Variants in PRKG1 observed in about 807,000 individuals in gnomAD.
PRKG1 encodes cGMP-dependent protein kinase 1.
PRKG1 carries 35 observed loss-of-function variants against 88.1 expected under a neutral mutation model. The ratio of observed to expected loss-of-function variants is 0.40; its 90% CI spans 0.30 to 0.53. PRKG1 has a LOEUF of 0.53. Among genes scored for constraint, PRKG1 ranks in the 20% least tolerant of loss-of-function variants. PRKG1 has a pLI of 0.59. For synonymous variants in PRKG1, 303 were observed against 292.5 expected, an observed-to-expected ratio of 1.04 and a Z score of -0.37; for missense variants, 540 against 839.8, an observed-to-expected ratio of 0.64 and a Z score of 4.41.
At chr10:52,119,780 T>A (rs1454684041) in intron 7 of PRKG1, among the ~76,000 whole-genome samples, 1 of 152,186 alleles carries the variant, frequency 6.6e-6, no homozygotes, top group Non-Finnish European at 1.5e-5. Context: ...CAGGAATTTA[T>A]TTTTTACAGT....
chr10:51,075,184 C>A (rs1843917904), intron 1 of PRKG1, among the ~76,000 whole-genome samples: 1 of 152,162 alleles, frequency 6.6e-6, no homozygotes, highest in Admixed American at 6.5e-5. Flanking sequence ...AGTTTGAACA[C>A]GTCCCAGGTG....
At position 52,295,243 on chromosome 10, in the gene PRKG1, C is replaced by T. The variant is rs1485699068; in HGVS notation, c.*1343C>T. The T allele has an allele frequency of 1.3e-5, 2 of 152,012 alleles. No individual in the cohort carries two copies. Among genetic ancestry groups the T allele is most frequent in the East Asian group, 1.9e-4 (1 of 5,186 alleles). 9.4% of individuals were successfully genotyped at this position (152,012 alleles called of 1,614,324 possible). ...TCAGAGAACAAAACAAGAACCTGGC[C>T]AGGTGTTGATTACCTTTTAGTGAAT... On this transcript the variant is annotated 3_prime_UTR_variant, in exon 18 of 18. Transcript: ENST00000373980.
intron 14 of PRKG1, among the ~76,000 whole-genome samples, chr10:52,283,581 C>A (rs1842048541): frequency 6.6e-6 from 1 of 152,052 alleles, no homozygotes; most frequent in Non-Finnish European, 1.5e-5. Context: ...TACATTATTA[C>A]CCATAAAGTT....
chr10:51,450,301 T>C (rs1361447342), intron 2 of PRKG1, among the ~76,000 whole-genome samples: 2 of 152,022 alleles, frequency 1.3e-5, no homozygotes, highest in Admixed American at 6.6e-5. Context: ...TTAAGAAGTA[T>C]ATCTAGTTTA....
At chr10:51,009,074 C>A (rs1245814230) in intron 1 of PRKG1, among the ~76,000 whole-genome samples, 1 of 152,038 alleles carries the variant, frequency 6.6e-6, no homozygotes, top group Non-Finnish European at 1.5e-5. Context: ...CAAAATTGGG[C>A]TTAAAATGTG....
At chr10:51,607,722 G>T (rs1416922456) in intron 3 of PRKG1, among the ~76,000 whole-genome samples, 1 of 152,188 alleles carries the variant, frequency 6.6e-6, no homozygotes, top group Non-Finnish European at 1.5e-5. Flanking sequence ...CCATTGAAAT[G>T]ATGACTACAT....
intron 1 of PRKG1, among the ~76,000 whole-genome samples, chr10:51,062,367 A>C (rs1171478031): frequency 1.3e-5 from 2 of 152,208 alleles, no homozygotes; most frequent in Non-Finnish European, 2.9e-5. Flanking sequence ...GTGATTGGTG[A>C]ATACCTCAGA....
At chr10:51,699,358 G>A (rs1333290581) in intron 3 of PRKG1, 2 of 1,614,078 alleles carry the variant, frequency 1.2e-6, no homozygotes, top group East Asian at 4.5e-5. Context: ...CCTGGTCTTG[G>A]TATTCGCAGA....
chr10:51,159,140 A>T (rs777149656), intron 2 of PRKG1, among the ~76,000 whole-genome samples: 3 of 152,064 alleles, frequency 2.0e-5, no homozygotes, highest in African/African-American at 7.2e-5. Context: ...TCCCTCCCCA[A>T]ACATTTTTTA....
chr10:51,047,341 G>C (rs945391630), intron 1 of PRKG1, among the ~76,000 whole-genome samples: 1 of 152,150 alleles, frequency 6.6e-6, no homozygotes, highest in African/African-American at 2.4e-5. Flanking sequence ...CTGTACTTAT[G>C]AGGTTTTTGT....
chr10:51,201,782 C>G (rs1363920914), intron 2 of PRKG1, among the ~76,000 whole-genome samples: 2 of 152,136 alleles, frequency 1.3e-5, no homozygotes, highest in Non-Finnish European at 2.9e-5. Context: ...GAGTCCTCAC[C>G]AGAACCCAAC....
rs940558448 is a variant in PRKG1 at position 51,886,478 on chromosome 10, T to C, written c.699-21029T>C. Among the ~76,000 whole-genome samples the C allele has an allele frequency of 2.0e-5, 3 of 152,186 alleles. No individual in the cohort carries two copies. The South Asian group carries it at 6.2e-4, about 31-fold the overall frequency. ...GCCAGCAAATTCCCAGTACTTTTCA[T>C]GTAATATAGCTTGGAGTTTCTTTTC... On this transcript the variant is annotated intron_variant, in intron 4 of 17. Coordinates refer to ENST00000373980, the MANE Select transcript of PRKG1 (RefSeq NM_006258.4).
chr10:51,056,134 G>T (rs1262942709), intron 1 of PRKG1, among the ~76,000 whole-genome samples: 2 of 152,202 alleles, frequency 1.3e-5, no homozygotes, highest in African/African-American at 4.8e-5. Context: ...GGCAGCAGTT[G>T]TGATGAAGGC....
chr10:51,734,339 C>T (rs1363008040), intron 3 of PRKG1, among the ~76,000 whole-genome samples: 1 of 152,046 alleles, frequency 6.6e-6, no homozygotes. Flanking sequence ...CAAAACTTAC[C>T]TCATTGTACA....
chr10:51,575,223 G>A (rs1187416735), intron 3 of PRKG1, among the ~76,000 whole-genome samples: 1 of 151,892 alleles, frequency 6.6e-6, no homozygotes, highest in African/African-American at 2.4e-5. Context: ...TAAGATTACA[G>A]TATTTGTCAT....
intron 2 of PRKG1, among the ~76,000 whole-genome samples, chr10:51,438,931 G>T (rs1277947383): frequency 6.6e-6 from 1 of 151,370 alleles, no homozygotes; most frequent in Admixed American, 6.6e-5. Flanking sequence ...GAAATATCCA[G>T]ATTGCAGTAA....
At chr10:51,077,393 C>T (rs1049339251) in intron 1 of PRKG1, among the ~76,000 whole-genome samples, 21 of 152,094 alleles carry the variant, frequency 1.4e-4, no homozygotes, top group Non-Finnish European at 2.5e-4. Context: ...AGTTTACGTT[C>T]ATGCTAGTTT....
intron 4 of PRKG1, among the ~76,000 whole-genome samples, chr10:51,824,604 T>A (rs1839838225): frequency 6.6e-6 from 1 of 152,164 alleles, no homozygotes; most frequent in African/African-American, 2.4e-5. Context: ...TTTATTTGGT[T>A]CATGGTTCTA....
At chr10:52,112,292 T>C (rs1460586751) in intron 7 of PRKG1, among the ~76,000 whole-genome samples, 1 of 152,226 alleles carries the variant, frequency 6.6e-6, no homozygotes, top group African/African-American at 2.4e-5. Context: ...TCTTGTATTA[T>C]AATTATTTTG....
Sources: allele counts gnomAD v4.1 joint callset (sites outside exome capture counted in the v4.1 genomes callset), GRCh38; gene constraint gnomAD v4.1.1; transcripts MANE v1.5; gene names NCBI Gene and HGNC (gene_info 2026-07-23, HGNC 2026-07-21).